GPC3: variants seen among roughly 807,000 people sequenced by gnomAD.
GPC3 encodes the protein glypican 3.
A neutral mutation model predicts 34.4 loss-of-function variants in GPC3; 3 were observed. The observed-to-expected ratio is 0.09, with a 90% CI of 0.04 to 0.23. The LOEUF is 0.23. Ranked by LOEUF, GPC3 falls within the 10% of genes least tolerant of loss-of-function variation. The pLI is 1.00. For missense variants in GPC3, 351 were observed against 445.6 expected (o/e 0.79, Z 1.91); for synonymous variants, 177 against 174.0 (o/e 1.02, Z -0.13).
intron 1 of GPC3, among the ~76,000 whole-genome samples, chrX:133,961,187 G>GC (rs1298837734): frequency 9.0e-6 from 1 of 111,193 alleles, no homozygotes; most frequent in Non-Finnish European, 1.9e-5. Context: ...CTGTTATTTA[G>GC]CCTGAAAGAA....
chrX:133,632,163 A>C (rs1569401331), intron 6 of GPC3, among the ~76,000 whole-genome samples: 1 of 111,687 alleles, frequency 9.0e-6, no homozygotes. Context: ...GCAGTGGTGC[A>C]ATCTCAGCTC....
chrX:133,869,720 G>A (rs1036724476), intron 2 of GPC3, among the ~76,000 whole-genome samples: 6 of 111,969 alleles, frequency 5.4e-5, no homozygotes, highest in African/African-American at 1.3e-4. Context: ...GGCCGAGGCC[G>A]GCACATCACG....
chrX:133,884,303 T>C (rs996448340), intron 2 of GPC3, among the ~76,000 whole-genome samples: 1 of 111,679 alleles, frequency 9.0e-6, no homozygotes, highest in Non-Finnish European at 1.9e-5. Context: ...GAACAAGTCG[T>C]CTCTACTTCC....
At chrX:133,730,799 A>T (rs1024140975) in intron 3 of GPC3, among the ~76,000 whole-genome samples, 8 of 110,003 alleles carry the variant, frequency 7.3e-5, no homozygotes, top group South Asian at 7.6e-4. Flanking sequence ...TGTCATATAT[A>T]AAAAAAAAGG....
intron 2 of GPC3, among the ~76,000 whole-genome samples, chrX:133,951,452 G>A (rs1043955343): frequency 1.3e-4 from 14 of 110,706 alleles, no homozygotes; most frequent in Admixed American, 9.6e-4. Context: ...TGTGAGCTTG[G>A]ATATTCTGGG....
intron 5 of GPC3, among the ~76,000 whole-genome samples, chrX:133,674,284 G>A (rs1470097292): frequency 1.8e-5 from 2 of 111,213 alleles, no homozygotes; most frequent in African/African-American, 6.5e-5. Flanking sequence ...GCAATGAATA[G>A]CCAAGGGAAG....
chrX:133,875,219 T>C (rs2076010525), intron 2 of GPC3, among the ~76,000 whole-genome samples: 1 of 112,051 alleles, frequency 8.9e-6, no homozygotes, highest in Non-Finnish European at 1.9e-5. Flanking sequence ...CTGGCATCAC[T>C]GGGTGGCCCA....
intron 6 of GPC3, among the ~76,000 whole-genome samples, chrX:133,621,250 A>G (rs1301369613): frequency 9.0e-6 from 1 of 111,524 alleles, no homozygotes; most frequent in Middle Eastern, 4.2e-3. Flanking sequence ...GATGCTGAAG[A>G]CAGGTGATTT....
intron 3 of GPC3, among the ~76,000 whole-genome samples, chrX:133,710,572 G>A (rs2071257463): frequency 8.9e-6 from 1 of 111,972 alleles, no homozygotes; most frequent in African/African-American, 3.2e-5. Flanking sequence ...CCCTGAAAGG[G>A]AACCACATGG....
chrX:133,759,536 A>G (rs2071765305), intron 2 of GPC3, among the ~76,000 whole-genome samples: 1 of 112,598 alleles, frequency 8.9e-6, no homozygotes, highest in South Asian at 3.6e-4. Flanking sequence ...TGCAACAAAT[A>G]GTGCTGAAAC....
At chrX:133,902,856 T>C (rs1291806631) in intron 2 of GPC3, among the ~76,000 whole-genome samples, 7 of 107,878 alleles carry the variant, frequency 6.5e-5, no homozygotes, top group African/African-American at 2.3e-4. Context: ...CTGTATACTA[T>C]AGTCAGTTCT....
At chrX:133,954,385 T>G (rs2076406936) in intron 1 of GPC3, among the ~76,000 whole-genome samples, 1 of 112,538 alleles carries the variant, frequency 8.9e-6, no homozygotes, top group African/African-American at 3.2e-5. Flanking sequence ...TATTTTTTAT[T>G]TTTCTTGAGA....
intron 2 of GPC3, among the ~76,000 whole-genome samples, chrX:133,876,407 A>C (rs1000410930): frequency 8.9e-6 from 1 of 112,073 alleles, no homozygotes; most frequent in Non-Finnish European, 1.9e-5. Flanking sequence ...TTCCCAGGGT[A>C]AGGTGATACT....
At chrX:133,796,508 C>A (rs913014292) in intron 2 of GPC3, among the ~76,000 whole-genome samples, 20 of 111,417 alleles carry the variant, frequency 1.8e-4, no homozygotes, top group African/African-American at 5.2e-4. Flanking sequence ...TTGGGTATAC[C>A]TTATCTGAGA....
At chrX:133,648,181 G>A (rs1452949844) in intron 6 of GPC3, among the ~76,000 whole-genome samples, 2 of 111,574 alleles carry the variant, frequency 1.8e-5, no homozygotes, top group African/African-American at 6.5e-5. Context: ...CCAACCCGCA[G>A]CCCACGGGCT....
At chrX:133,619,074 T>A (rs1470265654) in intron 6 of GPC3, among the ~76,000 whole-genome samples, 2 of 111,789 alleles carry the variant, frequency 1.8e-5, no homozygotes, top group African/African-American at 6.5e-5. Context: ...AAATTGCCAA[T>A]GAAAAGATGC....
chrX:133,550,984 A>C (rs2069428072), intron 7 of GPC3, among the ~76,000 whole-genome samples: 1 of 112,447 alleles, frequency 8.9e-6, no homozygotes, highest in Admixed American at 9.4e-5. Context: ...CTATGTGAGC[A>C]GCTGACACAT....
At chrX:133,943,728 C>T (rs754137695) in intron 2 of GPC3, among the ~76,000 whole-genome samples, 3 of 111,933 alleles carry the variant, frequency 2.7e-5, no homozygotes, top group Admixed American at 9.5e-5. Context: ...TCACCATTCT[C>T]ATGGTTCTTG....
chrX:133,766,201 A>G (rs1271393890), intron 2 of GPC3, among the ~76,000 whole-genome samples: 2 of 112,067 alleles, frequency 1.8e-5, no homozygotes, highest in African/African-American at 6.5e-5. Context: ...AACATTAACC[A>G]CTTGCTGAAA....
Sources: allele counts gnomAD v4.1 joint callset (sites outside exome capture counted in the v4.1 genomes callset), GRCh38; gene constraint gnomAD v4.1.1; transcripts MANE v1.5; gene names NCBI Gene and HGNC (gene_info 2026-07-23, HGNC 2026-07-21).